SDK1: variants seen among roughly 807,000 people sequenced by gnomAD.
SDK1 encodes the protein protein sidekick-1.
SDK1 carries 157 observed loss-of-function variants against 245.5 expected under a neutral mutation model. The ratio of observed to expected loss-of-function variants is 0.64; its 90% CI spans 0.56 to 0.73. The LOEUF is 0.73. Among genes scored for constraint, SDK1 ranks in the 30% least tolerant of loss-of-function variants. SDK1 has a pLI of 0.00. For missense variants in SDK1, 3,583 were observed against 3,002.3 expected, an observed-to-expected ratio of 1.19 and a Z score of -4.52; for synonymous variants, 1,647 against 1,278.5, an observed-to-expected ratio of 1.29 and a Z score of -6.15.
chr7:3,670,535 G>A (rs1366237194), intron 4 of SDK1, among the ~76,000 whole-genome samples: 2 of 152,210 alleles, frequency 1.3e-5, no homozygotes, highest in African/African-American at 4.8e-5. Context: ...ATTAGTCTCA[G>A]CTTCTTAGGG....
At chr7:3,619,348 A>G in intron 2 of SDK1, 109 bp downstream of exon 2, 5 of 868,782 alleles carry the variant, frequency 5.8e-6, no homozygotes, top group South Asian at 2.1e-5. Context: ...TTGAATTTCT[A>G]ATGCATTCAA....
chr7:3,422,141 A>C (rs74733251), intron 1 of SDK1, among the ~76,000 whole-genome samples: 1 of 152,216 alleles, frequency 6.6e-6, no homozygotes, highest in Non-Finnish European at 1.5e-5. Context: ...ATACAGAGAC[A>C]ATTCTGTATC....
chr7:3,400,426 C>T (rs1430826919), intron 1 of SDK1, among the ~76,000 whole-genome samples: 2 of 152,056 alleles, frequency 1.3e-5, no homozygotes, highest in Non-Finnish European at 2.9e-5. Flanking sequence ...CCCCCAACTT[C>T]GAATGGATGA....
chr7:3,578,234 C>T (rs1420841442), intron 1 of SDK1, among the ~76,000 whole-genome samples: 2 of 151,936 alleles, frequency 1.3e-5, no homozygotes, highest in Admixed American at 6.6e-5. Context: ...ACCTGAGCCG[C>T]AAAACCAGCA....
At chr7:4,170,439 C>A (rs1377487538) in intron 32 of SDK1, among the ~76,000 whole-genome samples, 3 of 151,886 alleles carry the variant, frequency 2.0e-5, no homozygotes, top group Non-Finnish European at 2.9e-5. Flanking sequence ...AGGGTGAGAT[C>A]CTGTCTCAAA....
chr7:3,387,429 T>C (rs1459956158), intron 1 of SDK1, among the ~76,000 whole-genome samples: 1 of 152,182 alleles, frequency 6.6e-6, no homozygotes, highest in African/African-American at 2.4e-5. Context: ...CTCTGTCTCC[T>C]TTTTGGCAAC....
chr7:3,369,522 C>G (rs1182052063), intron 1 of SDK1, among the ~76,000 whole-genome samples: 1 of 152,062 alleles, frequency 6.6e-6, no homozygotes, highest in African/African-American at 2.4e-5. Context: ...GTGTTCTGAT[C>G]CAAGGAAAAA....
At chr7:3,832,276 A>G (rs1779931060) in intron 5 of SDK1, among the ~76,000 whole-genome samples, 2 of 152,174 alleles carry the variant, frequency 1.3e-5, no homozygotes, top group Admixed American at 1.3e-4. Flanking sequence ...GAGATGATTT[A>G]TATCGCAGAA....
chr7:4,216,298 C>T (rs186570112), intron 38 of SDK1, among the ~76,000 whole-genome samples: 88 of 152,314 alleles, frequency 5.8e-4, no homozygotes, highest in African/African-American at 1.9e-3. Context: ...GTGGAGGTTA[C>T]ACCATCCAGC....
chr7:3,722,752 C>G (rs910415703), intron 4 of SDK1, among the ~76,000 whole-genome samples: 1 of 152,178 alleles, frequency 6.6e-6, no homozygotes, highest in Admixed American at 6.5e-5. Context: ...CGGGGACTCG[C>G]GCGGGTGGCT....
chr7:3,586,784 T>C (rs1260010733), intron 1 of SDK1, among the ~76,000 whole-genome samples: 2 of 151,706 alleles, frequency 1.3e-5, no homozygotes, highest in African/African-American at 2.4e-5. Context: ...TTAACTGTCA[T>C]CTGGGTATCA....
chr7:3,959,842 C>T (rs1187669277), intron 8 of SDK1, among the ~76,000 whole-genome samples: 1 of 151,138 alleles, frequency 6.6e-6, no homozygotes, highest in Admixed American at 6.6e-5. Context: ...CTTTGCCATT[C>T]AGGTCATCCC....
intron 1 of SDK1, among the ~76,000 whole-genome samples, chr7:3,349,441 GC>G (rs1245744315): frequency 6.6e-6 from 1 of 152,152 alleles, no homozygotes; most frequent in Non-Finnish European, 1.5e-5. Flanking sequence ...ACTGTGCTTG[GC>G]TATTGGACCT....
At chr7:4,071,883 G>C (rs1297910745) in intron 20 of SDK1, among the ~76,000 whole-genome samples, 1 of 152,178 alleles carries the variant, frequency 6.6e-6, no homozygotes, top group South Asian at 2.1e-4. Context: ...GAGACTCCTT[G>C]GTAGATGTGT....
intron 1 of SDK1, among the ~76,000 whole-genome samples, chr7:3,482,370 G>A (rs1016082942): frequency 3.9e-5 from 6 of 152,180 alleles, no homozygotes; most frequent in East Asian, 1.9e-4. Flanking sequence ...CTCAAGGGCC[G>A]GGAGTGTCTG....
chr7:3,628,644 C>T (rs146877989), intron 2 of SDK1, among the ~76,000 whole-genome samples: 37 of 152,326 alleles, frequency 2.4e-4, no homozygotes, highest in Non-Finnish European at 5.3e-4. Flanking sequence ...AATTCTATGG[C>T]TGAGTCCTGT....
At chr7:3,917,964 T>C (rs779001350) in intron 5 of SDK1, among the ~76,000 whole-genome samples, 33 of 152,178 alleles carry the variant, frequency 2.2e-4, no homozygotes, top group Non-Finnish European at 4.4e-4. Context: ...ACCACCTCTG[T>C]TGTACTTCTA....
intron 22 of SDK1, among the ~76,000 whole-genome samples, chr7:4,088,928 A>C (rs977530583): frequency 3.9e-5 from 6 of 152,052 alleles, no homozygotes; most frequent in African/African-American, 1.4e-4. Flanking sequence ...ACTCAGGCGG[A>C]GGTGAGACCC....
chr7:3,470,663 C>T (rs1781156264), intron 1 of SDK1, among the ~76,000 whole-genome samples: 1 of 152,084 alleles, frequency 6.6e-6, no homozygotes, highest in Admixed American at 6.5e-5. Flanking sequence ...GAGTTATAGT[C>T]TGATTTCTGA....
Sources: gnomAD v4.1 joint callset for allele counts (sites outside exome capture counted in the v4.1 genomes callset) on GRCh38, gnomAD v4.1.1 for gene constraint, MANE v1.5 for transcripts, NCBI Gene and HGNC (gene_info 2026-07-23, HGNC 2026-07-21) for gene names.